Variants in ITGA8 observed in about 807,000 individuals in gnomAD.
The protein encoded by ITGA8 is integrin subunit alpha 8, also known as integrin alpha-8.
Under a neutral mutation model 142.3 loss-of-function variants are expected in ITGA8, and 91 were observed. That is an observed-to-expected ratio of 0.64 (90% confidence interval 0.54 to 0.76). ITGA8 has a LOEUF of 0.76. Ranked by LOEUF, ITGA8 falls within the 30% of genes least tolerant of loss-of-function variation. The pLI is 0.00. For missense variants in ITGA8, 1,406 were observed against 1,327.7 expected (o/e 1.06, Z -0.92); for synonymous variants, 505 against 485.2 (o/e 1.04, Z -0.54).
At position 15,558,271 on chromosome 10, in the gene ITGA8, G is replaced by T. The variant is rs1176265707; in HGVS notation, c.2638-69C>A. The T allele has an allele frequency of 1.1e-5, 17 of 1,578,596 alleles. No individual in the cohort carries two copies. The East Asian group carries it at 3.4e-4, about 31-fold the overall frequency. On this transcript the variant is annotated intron_variant, in intron 25 of 29. Transcript: ENST00000378076. ...CAGTTGCTACATTTTCTTTAGCCTTGAACTCTAGGCAATTTTTTTTTCTCA... is the reference window on the plus strand; with the variant it reads ...CAGTTGCTACATTTTCTTTAGCCTTTAACTCTAGGCAATTTTTTTTTCTCA...
rs142594384 is a variant in ITGA8 at position 15,672,661 on chromosome 10, C to A, written c.765G>T (p.Thr255=). Reference sequence around the variant, plus strand: ...CATCATAGGAAGCTGGAGCCACTTCCGTCTGCTTTTCTCCTGCCAGTTTCC... The same window carrying A: ...CATCATAGGAAGCTGGAGCCACTTCAGTCTGCTTTTCTCCTGCCAGTTTCC... ...ILRKLAGEKQ[T]EVAPASYDDS... is the part of the protein sequence containing the mutation. The change falls in exon 7 of 30, where the codon ACG becomes ACT. Residue 255 remains threonine, a synonymous_variant. Coordinates refer to ENST00000378076, the MANE Select transcript of ITGA8 (RefSeq NM_003638.3). 10 of 1,613,786 alleles carry A rather than the reference C, an allele frequency of 6.2e-6. No individual in the cohort carries two copies. The African/African-American group carries it at 1.3e-4, about 22-fold the overall frequency.
rs1832927295 is a variant in ITGA8, at chr10:15,514,437, T to C, written c.*2721A>G. On this transcript the variant is annotated 3_prime_UTR_variant, in exon 30 of 30. Transcript: ENST00000378076. ...TTTGTTGAGACAGAGTTTCCCTCTGTCGCCCAGGCTGGAGTGCAGTCGCGC... is the reference window on the plus strand; with the variant it reads ...TTTGTTGAGACAGAGTTTCCCTCTGCCGCCCAGGCTGGAGTGCAGTCGCGC... 6.6e-6 allele frequency: 1 copy of C among 152,106 alleles called. No homozygotes were observed. Among genetic ancestry groups the C allele is most frequent in the South Asian group, 2.1e-4 (1 of 4,820 alleles). 9.4% of individuals were successfully genotyped at this position (152,106 alleles called of 1,614,324 possible). A position where few individuals can be genotyped will look rare whatever the true frequency, so the allele number is the denominator to read the frequency against.
chr10:15,709,843 T>C (rs748754647), intron 2 of ITGA8, among the ~76,000 whole-genome samples: 2 of 152,214 alleles, frequency 1.3e-5, no homozygotes, highest in Non-Finnish European at 2.9e-5. Context: ...TATCTTCTTA[T>C]TTTTACACAT....
At chr10:15,553,887 G>C (rs7899687) in intron 26 of ITGA8, among the ~76,000 whole-genome samples, 47,625 of 151,748 alleles carry the variant, frequency 0.31, 7,663 homozygotes, top group Non-Finnish European at 0.32. Context: ...CAGCTACTCA[G>C]GAGGCTGAGG....
In ITGA8 at chr10:15,526,254, G is replaced by A. The variant is rs537148780; in HGVS notation, c.2982+4796C>T. 2.0e-5 allele frequency among the ~76,000 whole-genome samples: 3 copies of A among 151,472 alleles called. No homozygotes were observed. In the South Asian group the frequency reaches 6.3e-4, roughly 32 times the overall value. Reference sequence around the variant, plus strand: ...TGTTATCTCGTGATCTGGGCTCATCGCAACCTCCGCCTCCCAGGTTCAAGA... The same window carrying A: ...TGTTATCTCGTGATCTGGGCTCATCACAACCTCCGCCTCCCAGGTTCAAGA... On this transcript the variant is annotated intron_variant, in intron 28 of 29. Transcript: ENST00000378076.
chr10:15,660,358 T>C (rs1834261307), intron 9 of ITGA8, among the ~76,000 whole-genome samples: 1 of 152,228 alleles, frequency 6.6e-6, no homozygotes, highest in East Asian at 1.9e-4. Context: ...AAGTAGCTGC[T>C]CCTGCACATG....
chr10:15,648,858 T>C (rs1834035335), intron 11 of ITGA8, among the ~76,000 whole-genome samples: 1 of 152,258 alleles, frequency 6.6e-6, no homozygotes, highest in Admixed American at 6.5e-5. Context: ...AATGCAATGA[T>C]GACTATTAGG....
chr10:15,710,260 A>G (rs898181904), intron 2 of ITGA8, among the ~76,000 whole-genome samples: 2 of 152,164 alleles, frequency 1.3e-5, no homozygotes, highest in Non-Finnish European at 2.9e-5. Context: ...TTTTTTATTT[A>G]CCACTGAAAC....
chr10:15,719,523 C>A, intron 1 of ITGA8, 40 bp downstream of exon 1: 2 of 1,495,112 alleles, frequency 1.3e-6, no homozygotes, highest in South Asian at 1.3e-5. Flanking sequence ...CCGGGAGCGC[C>A]TTCGTCCCCG....
chr10:15,552,328 G>A lies in ITGA8; in HGVS notation c.2767-3760C>T, dbSNP rs576670617. ...TTTCTTTTGTATTTTTAGTAGAGAC[G>A]GGGTTTCACCATGTTAGCCAGGATG... On this transcript the variant is annotated intron_variant, in intron 26 of 29. Coordinates refer to ENST00000378076, the MANE Select transcript of ITGA8 (RefSeq NM_003638.3). Among the ~76,000 whole-genome samples, 735 of 152,092 alleles carry A rather than the reference G, an allele frequency of 4.8e-3. 1 individual carries two copies. Among genetic ancestry groups the A allele is most frequent in the Non-Finnish European group, 7.3e-3 (496 of 67,972 alleles).
intron 3 of ITGA8, among the ~76,000 whole-genome samples, chr10:15,685,390 C>A (rs1474846233): frequency 1.3e-5 from 2 of 152,150 alleles, no homozygotes; most frequent in Non-Finnish European, 2.9e-5. Flanking sequence ...GCGTACTGTA[C>A]AAATATTTGC....
In ITGA8 at chr10:15,558,272, A is replaced by G. The variant is rs2277204; in HGVS notation, c.2638-70T>C. On this transcript the variant is annotated intron_variant, in intron 25 of 29. Coordinates refer to ENST00000378076, the MANE Select transcript of ITGA8 (RefSeq NM_003638.3). ...AGTTGCTACATTTTCTTTAGCCTTG[A>G]ACTCTAGGCAATTTTTTTTTCTCAG... is the stretch of plus-strand genomic sequence containing the variant. The G allele has an allele frequency of 0.33, 514,056 of 1,576,352 alleles. 85,446 individuals carry two copies. The highest frequency in any genetic ancestry group is 0.34 in the Non-Finnish European group (396,663 of 1,159,332).
chr10:15,517,862 G>A (rs1245435964), intron 29 of ITGA8, among the ~76,000 whole-genome samples: 1 of 152,238 alleles, frequency 6.6e-6, no homozygotes, highest in Non-Finnish European at 1.5e-5. Flanking sequence ...TCACAGCAAT[G>A]TGTCCCAAGG....
At chr10:15,701,002 T>C (rs991823168) in intron 2 of ITGA8, among the ~76,000 whole-genome samples, 7 of 152,172 alleles carry the variant, frequency 4.6e-5, no homozygotes, top group African/African-American at 1.7e-4. Context: ...TCCACAGAGA[T>C]GTTGTCTGCT....
intron 26 of ITGA8, among the ~76,000 whole-genome samples, chr10:15,552,970 C>T (rs1833818486): frequency 6.6e-6 from 1 of 152,088 alleles, no homozygotes; most frequent in Admixed American, 6.6e-5. Context: ...TAAAAATTTA[C>T]TTGAGGCTGG....
intron 13 of ITGA8, among the ~76,000 whole-genome samples, chr10:15,641,094 C>T (rs1263942664): frequency 3.3e-5 from 5 of 152,128 alleles, no homozygotes; most frequent in Non-Finnish European, 7.4e-5. Flanking sequence ...CGCCCTGTTG[C>T]CCAGGCTGGA....
chr10:15,598,554 A>G (rs1302012936), intron 20 of ITGA8, among the ~76,000 whole-genome samples: 5 of 152,232 alleles, frequency 3.3e-5, no homozygotes. Flanking sequence ...TCAAGAAGGC[A>G]GAGGTTTTTG....
intron 14 of ITGA8, among the ~76,000 whole-genome samples, chr10:15,614,725 G>A (rs577151527): frequency 8.7e-4 from 133 of 152,274 alleles, no homozygotes; most frequent in African/African-American, 3.1e-3. Context: ...GCTGTGTCTT[G>A]GGGCTGAATG....
intron 6 of ITGA8, among the ~76,000 whole-genome samples, chr10:15,674,448 A>T (rs1453633035): frequency 6.6e-6 from 1 of 152,250 alleles, no homozygotes; most frequent in African/African-American, 2.4e-5. Flanking sequence ...AGAATGGATT[A>T]TGTGAAATTA....
Sources: gnomAD v4.1 joint callset for allele counts (sites outside exome capture counted in the v4.1 genomes callset) on GRCh38, gnomAD v4.1.1 for gene constraint, MANE v1.5 for transcripts, NCBI Gene and HGNC (gene_info 2026-07-23, HGNC 2026-07-21) for gene names.